UNC79: variants seen among roughly 807,000 people sequenced by gnomAD.
UNC79 encodes protein unc-79 homolog.
UNC79 carries 37 observed loss-of-function variants against 283.1 expected under a neutral mutation model. That is an observed-to-expected ratio of 0.13 (90% confidence interval 0.10 to 0.17). The LOEUF (loss-of-function observed/expected upper bound fraction) is 0.17. Among genes scored for constraint, UNC79 ranks in the 10% least tolerant of loss-of-function variants. UNC79 has a pLI of 1.00. For synonymous variants in UNC79, 1,107 were observed against 1,200.2 expected, an observed-to-expected ratio of 0.92 and a Z score of 1.61; for missense variants, 2,272 against 3,211.1, an observed-to-expected ratio of 0.71 and a Z score of 7.07.
At chr14:93,491,095 G>A (rs1017018787) in intron 5 of UNC79, among the ~76,000 whole-genome samples, 2 of 152,096 alleles carry the variant, frequency 1.3e-5, no homozygotes, top group Non-Finnish European at 1.5e-5. Context: ...AATGGCTGTC[G>A]TTCTGCTGTG....
intron 1 of UNC79, chr14:93,348,376 C>T (rs569772068): frequency 5.9e-5 from 23 of 393,136 alleles, no homozygotes; most frequent in Middle Eastern, 7.0e-4. Flanking sequence ...AGATTATTTT[C>T]TAAACATCGT....
chr14:93,666,929 C>T, intron 40 of UNC79, among the ~76,000 whole-genome samples: 1 of 151,968 alleles, frequency 6.6e-6, no homozygotes, highest in Middle Eastern at 3.2e-3. Context: ...CATAACAAGA[C>T]CCTGTCTCTA....
chr14:93,349,080 A>G (rs1030644924), intron 1 of UNC79, among the ~76,000 whole-genome samples: 12 of 152,196 alleles, frequency 7.9e-5, no homozygotes, highest in African/African-American at 2.7e-4. Flanking sequence ...CAGCGACACC[A>G]CGAACCCACC....
At chr14:93,571,799 C>T (rs1384930088) in intron 14 of UNC79, 95 bp from the exon 15 acceptor site, 3 of 1,304,088 alleles carry the variant, frequency 2.3e-6, no homozygotes, top group Non-Finnish European at 3.2e-6. Context: ...TGGATTGTGG[C>T]CTTTCTCTGT....
At chr14:93,477,449 A>C (rs1566972200) in intron 3 of UNC79, 109 bp from the exon 4 acceptor site, 1 of 816,112 alleles carries the variant, frequency 1.2e-6, no homozygotes, top group African/African-American at 1.7e-5. Context: ...GAGATGGAGC[A>C]CTAGTTGCTT....
At chr14:93,411,557 A>AC (rs1186343819) in intron 1 of UNC79, among the ~76,000 whole-genome samples, 4 of 152,074 alleles carry the variant, frequency 2.6e-5, no homozygotes, top group Non-Finnish European at 4.4e-5. Flanking sequence ...GGCTTGTGTC[A>AC]CTCCACCTCC....
intron 1 of UNC79, among the ~76,000 whole-genome samples, chr14:93,449,845 G>C (rs565993434): frequency 2.0e-5 from 3 of 152,188 alleles, no homozygotes; most frequent in Non-Finnish European, 4.4e-5. Context: ...TATCTAGGGC[G>C]AGTGAGGGGG....
intron 14 of UNC79, among the ~76,000 whole-genome samples, chr14:93,562,250 G>C (rs1019135349): frequency 6.6e-6 from 1 of 152,188 alleles, no homozygotes; most frequent in Admixed American, 6.5e-5. Flanking sequence ...AATTTGAGGG[G>C]TCAGATTCTT....
intron 23 of UNC79, among the ~76,000 whole-genome samples, chr14:93,595,474 C>G (rs1485964630): frequency 6.6e-6 from 1 of 152,132 alleles, no homozygotes; most frequent in Non-Finnish European, 1.5e-5. Flanking sequence ...CCTTAAACTG[C>G]CATTCAGATG....
chr14:93,414,019 C>CT (rs1269018731), intron 1 of UNC79, among the ~76,000 whole-genome samples: 1 of 152,096 alleles, frequency 6.6e-6, no homozygotes, highest in African/African-American at 2.4e-5. Context: ...TGTGCAGAAG[C>CT]TCTCTAGTTT....
At chr14:93,627,729 C>T (rs1261143640) in intron 30 of UNC79, among the ~76,000 whole-genome samples, 4 of 152,190 alleles carry the variant, frequency 2.6e-5, no homozygotes, top group Non-Finnish European at 2.9e-5. Context: ...TGGTGAAAGG[C>T]ATGGATTCAG....
chr14:93,501,398 C>T (rs34276047), intron 7 of UNC79, among the ~76,000 whole-genome samples: 2,882 of 151,310 alleles, frequency 0.019, 38 homozygotes, highest in Non-Finnish European at 0.032. Flanking sequence ...AGAAAAATTA[C>T]AGTAACATGT....
intron 38 of UNC79, 134 bp downstream of exon 41, chr14:93,655,541 A>G: frequency 4.9e-6 from 5 of 1,022,204 alleles, no homozygotes; most frequent in Non-Finnish European, 6.9e-6. Flanking sequence ...CCATGGAGTG[A>G]GGATGCTTAT....
Position 93,698,638 on chromosome 14 carries a change from G to A in UNC79, c.7548+4226G>A, listed in dbSNP as rs537767334. On this transcript the variant is annotated intron_variant, in intron 47 of 48. Transcript: ENST00000555664. ...GTAGCTGGGACCACAGGTGCCCACC[G>A]CCATGCCCAGCTAATTTTTGTATTT... Among the ~76,000 whole-genome samples the A allele has an allele frequency of 8.0e-4, 121 of 151,570 alleles. 1 individual carries two copies. The highest frequency in any genetic ancestry group is 2.7e-3 in the African/African-American group (110 of 41,334).
chr14:93,662,547 T>G, intron 39 of UNC79, 57 bp from the exon 43 acceptor site: 1 of 1,198,502 alleles, frequency 8.3e-7, no homozygotes, highest in South Asian at 1.5e-5. Flanking sequence ...ATTTTAATAC[T>G]TTTTTTGAAA....
At chr14:93,633,414 C>T (rs1271057373) in intron 31 of UNC79, among the ~76,000 whole-genome samples, 3 of 152,188 alleles carry the variant, frequency 2.0e-5, no homozygotes, top group African/African-American at 7.2e-5. Context: ...CACATCACAC[C>T]AAGTTGCCAC....
intron 1 of UNC79, among the ~76,000 whole-genome samples, chr14:93,352,377 C>T (rs549061799): frequency 1.3e-5 from 2 of 152,188 alleles, no homozygotes; most frequent in Non-Finnish European, 2.9e-5. Flanking sequence ...GCTTTACCCT[C>T]CTAGCTGGGG....
chr14:93,534,455 G>T (rs557454485), intron 11 of UNC79, among the ~76,000 whole-genome samples: 5 of 152,248 alleles, frequency 3.3e-5, no homozygotes, highest in African/African-American at 1.2e-4. Flanking sequence ...TGGATTTTTA[G>T]TGAATCTCAT....
chr14:93,706,729 G>A (rs2075907919), exon 49 of UNC79: 4 of 1,614,168 alleles, frequency 2.5e-6, no homozygotes, highest in Non-Finnish European at 3.4e-6. Flanking sequence ...CTCCAGCTTC[G>A]CCTCCAGGCT....
Sources: gnomAD v4.1 joint callset for allele counts (sites outside exome capture counted in the v4.1 genomes callset) on GRCh38, gnomAD v4.1.1 for gene constraint, MANE v1.5 for transcripts, NCBI Gene and HGNC (gene_info 2026-07-23, HGNC 2026-07-21) for gene names.